Variants in ADAM17 observed in about 807,000 individuals in gnomAD.
ADAM17 encodes the protein disintegrin and metalloproteinase domain-containing protein 17.
Under a neutral mutation model 96.7 loss-of-function variants are expected in ADAM17, and 39 were observed. The ratio of observed to expected loss-of-function variants is 0.40; its 90% CI spans 0.31 to 0.53. The LOEUF is 0.53. Ranked by LOEUF, ADAM17 falls within the 20% of genes least tolerant of loss-of-function variation. The pLI is 0.44. For missense variants in ADAM17, 777 were observed against 1,013.2 expected (o/e 0.77, Z 3.17); for synonymous variants, 344 against 359.2 (o/e 0.96, Z 0.48).
rs772401511 is a variant in ADAM17, at chr2:9,536,679, C to G, written c.361+19G>C. On this transcript the variant is annotated intron_variant, in intron 3 of 18. Transcript: ENST00000310823. ...TAATACACCAGACACAGGGGCAAAC[C>G]AACAAGCTCCATACTAACCAACCAC... 2.5e-6 allele frequency: 4 copies of G among 1,612,800 alleles called. No individual in the cohort carries two copies. The Admixed American group carries it at 6.7e-5, about 27-fold the overall frequency.
Position 9,497,906 on chromosome 2 carries a change from T to A in ADAM17, c.1649-658A>T, listed in dbSNP as rs545356582. ...ATTTATATATATATATTTAATGTTA[T>A]TTTCTGTTTTCCCTCTACTAGACTG... On this transcript the variant is annotated intron_variant, in intron 13 of 18. Coordinates refer to ENST00000310823, the MANE Select transcript of ADAM17 (RefSeq NM_003183.6). Among the ~76,000 whole-genome samples the A allele has an allele frequency of 8.8e-4, 134 of 152,302 alleles. 3 individuals carry two copies. Among genetic ancestry groups the A allele is most frequent in the Middle Eastern group, 6.8e-3 (2 of 294 alleles).
At chr2:9,516,364 A>G (rs1252985071) in intron 10 of ADAM17, among the ~76,000 whole-genome samples, 1 of 152,164 alleles carries the variant, frequency 6.6e-6, no homozygotes, top group African/African-American at 2.4e-5. Flanking sequence ...GCCGAAGATT[A>G]TAGGAATGAG....
intron 2 of ADAM17, among the ~76,000 whole-genome samples, chr2:9,539,884 C>T (rs11900265): frequency 0.067 from 10,203 of 152,012 alleles, 1,194 homozygotes; most frequent in African/African-American, 0.23. Context: ...AATAACTGAA[C>T]GGTTTTGGGG....
intron 17 of ADAM17, among the ~76,000 whole-genome samples, chr2:9,491,559 G>GC (rs1220030153): frequency 6.6e-6 from 1 of 151,464 alleles, no homozygotes; most frequent in Non-Finnish European, 1.5e-5. Context: ...TGGGCCTGCA[G>GC]CATTCTTCGC....
At chr2:9,548,761 A>G (rs1180276088) in intron 1 of ADAM17, among the ~76,000 whole-genome samples, 1 of 152,228 alleles carries the variant, frequency 6.6e-6, no homozygotes, top group East Asian at 1.9e-4. Flanking sequence ...ATGTTATCAC[A>G]AGATTCTTAA....
chr2:9,540,640 T>G (rs1665170835), intron 2 of ADAM17, among the ~76,000 whole-genome samples: 1 of 152,122 alleles, frequency 6.6e-6, no homozygotes. Context: ...GCATTAAAAA[T>G]TTGCCTAAAA....
chr2:9,490,960 A>T, intron 18 of ADAM17, 141 bp downstream of exon 18: 1 of 704,640 alleles, frequency 1.4e-6, no homozygotes, highest in South Asian at 1.9e-5. Flanking sequence ...CAGAAGGGTA[A>T]ACATTCCAAC....
At chr2:9,492,053 A>G (rs1662200376) in intron 17 of ADAM17, among the ~76,000 whole-genome samples, 1 of 152,220 alleles carries the variant, frequency 6.6e-6, no homozygotes, top group African/African-American at 2.4e-5. Context: ...CCTGAGGAAG[A>G]GCTGCTCTGT....
At position 9,514,443 on chromosome 2, in the gene ADAM17, A is replaced by G. The variant is rs565315274; in HGVS notation, c.1191+3458T>C. ...ACGAGTTAATGGGTGCAGCACACCAACATGGCACATGTATACATATGTAAC... is the reference window on the plus strand; with the variant it reads ...ACGAGTTAATGGGTGCAGCACACCAGCATGGCACATGTATACATATGTAAC... On this transcript the variant is annotated intron_variant, in intron 10 of 18. Transcript: ENST00000310823. Among the ~76,000 whole-genome samples, 24 of 147,340 alleles carry G rather than the reference A, an allele frequency of 1.6e-4. No individual in the cohort carries two copies. The South Asian group carries it at 5.3e-3, about 33-fold the overall frequency.
intron 2 of ADAM17, 94 bp from the exon 3 acceptor site, chr2:9,536,922 G>A (rs1664982908): frequency 1.4e-6 from 2 of 1,400,670 alleles, no homozygotes; most frequent in South Asian, 1.3e-5. Context: ...CAGAAGCATT[G>A]ACATTAATAA....
intron 10 of ADAM17, among the ~76,000 whole-genome samples, chr2:9,515,017 C>T (rs1317716318): frequency 1.3e-5 from 2 of 152,168 alleles, no homozygotes; most frequent in Non-Finnish European, 2.9e-5. Flanking sequence ...CCTGCCACCA[C>T]CTGTTTTTAA....
At chr2:9,516,564 A>G (rs1664067898) in intron 10 of ADAM17, among the ~76,000 whole-genome samples, 1 of 152,130 alleles carries the variant, frequency 6.6e-6, no homozygotes, top group Admixed American at 6.6e-5. Flanking sequence ...CAGCCTGGCC[A>G]ACATGGTGAA....
At chr2:9,513,104 C>CCTGCCT (rs1663833760) in intron 10 of ADAM17, among the ~76,000 whole-genome samples, 1 of 152,008 alleles carries the variant, frequency 6.6e-6, no homozygotes, top group South Asian at 2.1e-4. Flanking sequence ...AAGCACTTCT[C>CCTGCCT]CTGCCTCAGC....
chr2:9,545,027 G>T (rs1412491316), intron 1 of ADAM17, among the ~76,000 whole-genome samples: 1 of 152,130 alleles, frequency 6.6e-6, no homozygotes, highest in African/African-American at 2.4e-5. Context: ...TTTCATTCAA[G>T]ATCATAATCA....
chr2:9,505,717 C>A (rs1024996537), intron 11 of ADAM17: 2 of 264,138 alleles, frequency 7.6e-6, no homozygotes, highest in Non-Finnish European at 1.5e-5. Context: ...GACTTGAAAT[C>A]TCCTCACCTC....
intron 4 of ADAM17, among the ~76,000 whole-genome samples, chr2:9,534,592 G>C (rs2125033447): frequency 6.6e-6 from 1 of 152,040 alleles, no homozygotes; most frequent in South Asian, 2.1e-4. Context: ...AACACGAAAA[G>C]GTTCATAATC....
chr2:9,529,271 G>GA (rs1478388668), intron 4 of ADAM17, among the ~76,000 whole-genome samples: 2 of 152,062 alleles, frequency 1.3e-5, no homozygotes, highest in Non-Finnish European at 2.9e-5. Flanking sequence ...CCAACATAGT[G>GA]AAACCCCGAC....
intron 2 of ADAM17, among the ~76,000 whole-genome samples, chr2:9,537,737 A>G (rs924480060): frequency 6.6e-6 from 1 of 151,930 alleles, no homozygotes; most frequent in Non-Finnish European, 1.5e-5. Flanking sequence ...GAAAAAAAAA[A>G]AGTACTCGTG....
chr2:9,515,354 A>C (rs1243477985), intron 10 of ADAM17, among the ~76,000 whole-genome samples: 1 of 151,740 alleles, frequency 6.6e-6, no homozygotes, highest in Non-Finnish European at 1.5e-5. Flanking sequence ...TTTTTTTCTC[A>C]TTTTATGGAT....
Sources: gnomAD v4.1 joint callset for allele counts (sites outside exome capture counted in the v4.1 genomes callset) on GRCh38, gnomAD v4.1.1 for gene constraint, MANE v1.5 for transcripts, NCBI Gene and HGNC (gene_info 2026-07-23, HGNC 2026-07-21) for gene names.